Variants in CRTC3 observed in about 807,000 individuals in gnomAD.
CRTC3 encodes the protein CREB-regulated transcription coactivator 3.
In CRTC3, 26 loss-of-function variants were observed where a neutral mutation model predicts 74.5. The ratio of observed to expected loss-of-function variants is 0.35; its 90% confidence interval spans 0.26 to 0.48. CRTC3 has a LOEUF of 0.48. CRTC3 is among the 20% of genes least tolerant of loss of function. The probability of loss-of-function intolerance (pLI) is 0.99; values close to 1 mark genes in which losing one functional copy is unlikely to be tolerated. For missense variants in CRTC3, 760 were observed against 787.3 expected (o/e 0.97, Z 0.41); for synonymous variants, 377 against 325.8 (o/e 1.16, Z -1.69).
At chr15:90,578,478 C>T (rs369230773) in intron 2 of CRTC3, among the ~76,000 whole-genome samples, 25 of 151,776 alleles carry the variant, frequency 1.6e-4, no homozygotes, top group East Asian at 3.9e-4. Flanking sequence ...TGCTCGAACC[C>T]GGGAGACAGA....
rs148276495 is a variant in CRTC3 at position 90,589,343 on chromosome 15, T to A, written c.232-4293T>A. ...GTGCTGGGATTACAGGCGTGAGCCA[T>A]GGCGCCCAGCCTGTTGTTATTTTTA... On this transcript the variant is annotated intron_variant, in intron 2 of 14. Transcript: ENST00000268184. Among the ~76,000 whole-genome samples, 27 of 151,108 alleles carry A rather than the reference T, an allele frequency of 1.8e-4. No individual in the cohort carries two copies. The East Asian group carries it at 5.3e-3, about 30-fold the overall frequency.
Position 90,643,158 on chromosome 15 carries a change from G to A in CRTC3, c.*1018G>A, listed in dbSNP as rs966015987. On this transcript the variant is annotated 3_prime_UTR_variant, in exon 15 of 15. Coordinates refer to ENST00000268184, the MANE Select transcript of CRTC3 (RefSeq NM_022769.5). ...TTGTTGAACCCGTAGCACCTAACAC[G>A]TGCGTGGCAGCACAGTCGTGTGCTG... 4 of 232,204 alleles carry A rather than the reference G, an allele frequency of 1.7e-5. No individual in the cohort carries two copies. The highest frequency in any genetic ancestry group is 1.7e-5 in the Non-Finnish European group (2 of 117,416). 14.4% of individuals were successfully genotyped at this position (232,204 alleles called of 1,614,324 possible). A position where few individuals can be genotyped will look rare whatever the true frequency, so the allele number is the denominator to read the frequency against.
intron 1 of CRTC3, among the ~76,000 whole-genome samples, chr15:90,535,498 G>C (rs1238170849): frequency 6.6e-6 from 1 of 152,196 alleles, no homozygotes; most frequent in Non-Finnish European, 1.5e-5. Flanking sequence ...TTGAGGAGTG[G>C]ACGGGGGTGG....
intron 2 of CRTC3, among the ~76,000 whole-genome samples, chr15:90,555,774 C>T (rs1284132216): frequency 6.6e-6 from 1 of 152,128 alleles, no homozygotes; most frequent in East Asian, 1.9e-4. Context: ...GCCTTGGCCT[C>T]CCCAAAGTGC....
At chr15:90,629,946 A>G (rs1385658724) in intron 11 of CRTC3, among the ~76,000 whole-genome samples, 1 of 152,158 alleles carries the variant, frequency 6.6e-6, no homozygotes, top group Non-Finnish European at 1.5e-5. Context: ...CTGGTCTCAA[A>G]TGCCTGGACT....
At chr15:90,589,045 C>T (rs944881293) in intron 2 of CRTC3, among the ~76,000 whole-genome samples, 1 of 151,988 alleles carries the variant, frequency 6.6e-6, no homozygotes, top group African/African-American at 2.4e-5. Flanking sequence ...TTGTTGTCGT[C>T]GTCGTTATTT....
intron 2 of CRTC3, among the ~76,000 whole-genome samples, chr15:90,552,945 A>C (rs775401836): frequency 2.0e-5 from 3 of 152,154 alleles, no homozygotes; most frequent in Non-Finnish European, 4.4e-5. Flanking sequence ...TTTTTCCCTT[A>C]GCCAGCCCTA....
intron 6 of CRTC3, among the ~76,000 whole-genome samples, chr15:90,612,082 G>GCCT (rs1392817127): frequency 1.2e-5 from 1 of 84,998 alleles, no homozygotes; most frequent in East Asian, 4.3e-4. Flanking sequence ...CTCCTCCTCC[G>GCCT]CCTCCTCCTC....
At chr15:90,566,355 T>C (rs1967121726) in intron 2 of CRTC3, among the ~76,000 whole-genome samples, 1 of 151,830 alleles carries the variant, frequency 6.6e-6, no homozygotes, top group Non-Finnish European at 1.5e-5. Flanking sequence ...TTTGAGACCA[T>C]CCTGGCCAAT....
chr15:90,626,117 T>C (rs1968827188), intron 10 of CRTC3, 124 bp downstream of exon 10: 2 of 774,412 alleles, frequency 2.6e-6, no homozygotes, highest in Non-Finnish European at 4.6e-6. Flanking sequence ...ATAATGTACC[T>C]TCTTGTATCT....
At chr15:90,553,594 C>A (rs891246364) in intron 2 of CRTC3, among the ~76,000 whole-genome samples, 1 of 152,116 alleles carries the variant, frequency 6.6e-6, no homozygotes, top group Non-Finnish European at 1.5e-5. Flanking sequence ...GGCGGGGAAA[C>A]GTTGGTCCCA....
Position 90,642,339 on chromosome 15 carries a change from G to A in CRTC3, c.*199G>A, listed in dbSNP as rs541033976. On this transcript the variant is annotated 3_prime_UTR_variant, in exon 15 of 15. Transcript: ENST00000268184. ...CACACAGCTTTGTACTGCCTCTCCC[G>A]CCTGTGGCCAAAGTCGTGTTGCAGC... The A allele has an allele frequency of 1.9e-4, 112 of 583,486 alleles. No individual in the cohort carries two copies. Among genetic ancestry groups the A allele is most frequent in the Non-Finnish European group, 3.1e-4 (102 of 327,994 alleles). 36.1% of individuals were successfully genotyped at this position (583,486 alleles called of 1,614,324 possible). A position where few individuals can be genotyped will look rare whatever the true frequency, so the allele number is the denominator to read the frequency against.
In CRTC3 at chr15:90,638,663, G is replaced by T. The variant is rs773826094; in HGVS notation, c.1467+17G>T. ...CCGGCCCAGGTGAGTTCTGGCAGGA[G>T]CGTTGGTGCAGAGGGAATGCTTGTT... On this transcript the variant is annotated intron_variant, in intron 12 of 14. Coordinates refer to ENST00000268184, the MANE Select transcript of CRTC3 (RefSeq NM_022769.5). The T allele has an allele frequency of 1.9e-6, 3 of 1,613,528 alleles. No homozygotes were observed. The highest frequency in any genetic ancestry group is 2.5e-6 in the Non-Finnish European group (3 of 1,179,686).
intron 2 of CRTC3, among the ~76,000 whole-genome samples, chr15:90,568,082 T>A (rs1360110658): frequency 6.6e-6 from 1 of 152,056 alleles, no homozygotes; most frequent in Non-Finnish European, 1.5e-5. Flanking sequence ...CTTTGAGGGG[T>A]TCAAGACTTC....
intron 10 of CRTC3, among the ~76,000 whole-genome samples, chr15:90,627,135 G>T (rs138433583): frequency 6.6e-6 from 1 of 152,328 alleles, no homozygotes; most frequent in South Asian, 2.1e-4. Flanking sequence ...GTCCCCTTCA[G>T]GGGGGGTCAC....
chr15:90,637,852 C>T (rs185935002), intron 11 of CRTC3: 14 of 153,224 alleles, frequency 9.1e-5, no homozygotes, highest in African/African-American at 3.4e-4. Flanking sequence ...GTGAGATTGC[C>T]TCCTGGTTTT....
chr15:90,635,667 A>G (rs368101935), intron 11 of CRTC3, among the ~76,000 whole-genome samples: 7 of 152,200 alleles, frequency 4.6e-5, no homozygotes, highest in African/African-American at 1.4e-4. Flanking sequence ...GTCTCCAGAA[A>G]AAAAGATTTT....
chr15:90,545,787 C>T (rs1966843271), intron 2 of CRTC3, among the ~76,000 whole-genome samples: 1 of 152,044 alleles, frequency 6.6e-6, no homozygotes, highest in African/African-American at 2.4e-5. Context: ...ACTGTGTTAG[C>T]CAGGATGGTC....
intron 1 of CRTC3, among the ~76,000 whole-genome samples, chr15:90,532,638 C>T (rs1966645759): frequency 6.6e-6 from 1 of 152,182 alleles, no homozygotes; most frequent in South Asian, 2.1e-4. Flanking sequence ...CTAGGCGTTA[C>T]TTATCCTATT....
Sources: allele counts gnomAD v4.1 joint callset (sites outside exome capture counted in the v4.1 genomes callset), GRCh38; gene constraint gnomAD v4.1.1; transcripts MANE v1.5; gene names NCBI Gene and HGNC (gene_info 2026-07-23, HGNC 2026-07-21).